The following PTGFR variants were observed in gnomAD, a reference collection of about 807,000 sequenced individuals.
PTGFR encodes the protein prostaglandin F2-alpha receptor.
A neutral mutation model predicts 26.2 loss-of-function variants in PTGFR; 15 were observed. The observed-to-expected ratio is 0.57, with a 90% CI of 0.38 to 0.88. The LOEUF (loss-of-function observed/expected upper bound fraction) is 0.88. Ranked by LOEUF, PTGFR falls within the 40% of genes least tolerant of loss-of-function variation. PTGFR has a pLI of 0.00. For missense variants in PTGFR, 369 were observed against 427.2 expected, an observed-to-expected ratio of 0.86 and a Z score of 1.20; for synonymous variants, 165 against 151.1, an observed-to-expected ratio of 1.09 and a Z score of -0.68.
Position 78,504,171 on chromosome 1 carries a change from A to G in PTGFR, c.798+10630A>G, listed in dbSNP as rs552209381. ...ATTCCCCAAGCTATTTGAAAAAAAT[A>G]TAATATTTTCTTTAGCTATAAAATT... is the stretch of plus-strand genomic sequence containing the variant. On this transcript the variant is annotated intron_variant, in intron 2 of 2. Transcript: ENST00000370757. 1.3e-3 allele frequency among the ~76,000 whole-genome samples: 204 copies of G among 152,278 alleles called. 2 individuals are homozygous for G. The highest frequency in any genetic ancestry group is 4.4e-3 in the African/African-American group (181 of 41,564).
In PTGFR at chr1:78,512,832, ATGATATCTGGTTG is replaced by A. The variant is rs558995716; in HGVS notation, c.798+19302_798+19314del. Among the ~76,000 whole-genome samples, 16 of 152,320 alleles carry A rather than the reference ATGATATCTGGTTG, an allele frequency of 1.1e-4. No individual in the cohort carries two copies. In the South Asian group the frequency reaches 3.3e-3, roughly 32 times the overall value. On this transcript the variant is annotated intron_variant, in intron 2 of 2. Transcript: ENST00000370757. ...CTCCTTGGTAAGTGAGTTCTGCCTCATGATATCTGGTTGTGATATCTGGCATGATATCTGGTTG... is the reference window on the plus strand; with the variant it reads ...CTCCTTGGTAAGTGAGTTCTGCCTCATGATATCTGGCATGATATCTGGTTG...
At chr1:78,530,502 T>C (rs1199051487) in intron 2 of PTGFR, among the ~76,000 whole-genome samples, 1 of 152,120 alleles carries the variant, frequency 6.6e-6, no homozygotes, top group Admixed American at 6.6e-5. Context: ...AAAAATGAGC[T>C]CTCCTGGTGC....
intron 2 of PTGFR, chr1:78,532,469 T>G (rs1424459994): frequency 8.2e-6 from 1 of 122,116 alleles, no homozygotes; most frequent in African/African-American, 4.2e-5. Context: ...TATATTTGTG[T>G]GTGTATATAT....
At position 78,536,621 on chromosome 1, in the gene PTGFR, TA is replaced by T; in HGVS notation, c.1019del (p.Asn340IlefsTer3). 6.2e-7 allele frequency: 1 copy of T among 1,613,240 alleles called. No homozygotes were observed. The highest frequency in any genetic ancestry group is 1.7e-4 in the Middle Eastern group (1 of 6,052). On this transcript the variant is annotated frameshift_variant, in exon 3 of 3. Coordinates refer to ENST00000370757, the MANE Select transcript of PTGFR (RefSeq NM_000959.4). LOFTEE classifies it high-confidence loss of function. ...TACATATTTGGGAGCTTAGTTCCAT[TA>T]AAAATTCCTTAAAGGTTGCTGCTAT... ...SLHIWELSSI[K>X]NSLKVAAISE...
At chr1:78,496,558 C>T (rs1027975110) in intron 2 of PTGFR, among the ~76,000 whole-genome samples, 2 of 151,974 alleles carry the variant, frequency 1.3e-5, no homozygotes, top group East Asian at 1.9e-4. Context: ...CAAACTGGAA[C>T]GAAGGTAGAG....
chr1:78,537,070 C>G lies in PTGFR; in HGVS notation c.*383C>G, dbSNP rs74908948. On this transcript the variant is annotated 3_prime_UTR_variant, in exon 3 of 3. Transcript: ENST00000370757. ...AAATGGTTATTTTGAGATCACCGCT[C>G]TGTAGCTAACCCTTATAAACTAGGC... is the stretch of plus-strand genomic sequence containing the variant. 1 of 175,710 alleles carries G rather than the reference C, an allele frequency of 5.7e-6. No individual in the cohort carries two copies. The highest frequency in any genetic ancestry group is 2.4e-5 in the African/African-American group (1 of 41,908). 10.9% of individuals were successfully genotyped at this position (175,710 alleles called of 1,614,324 possible). A position where few individuals can be genotyped will look rare whatever the true frequency, so the allele number is the denominator to read the frequency against.
rs1416471370 is a variant in PTGFR, at chr1:78,540,561, A to G, written c.*3874A>G. Reference sequence around the variant, plus strand: ...GAACTAAAAGAAATTTTAGATGACTAAAAGGACTATATAATAGAAAGAGGG... The same window carrying G: ...GAACTAAAAGAAATTTTAGATGACTGAAAGGACTATATAATAGAAAGAGGG... On this transcript the variant is annotated 3_prime_UTR_variant, in exon 3 of 3. Coordinates refer to ENST00000370757, the MANE Select transcript of PTGFR (RefSeq NM_000959.4). Among the ~76,000 whole-genome samples, 1 of 152,172 alleles carries G rather than the reference A, an allele frequency of 6.6e-6. No individual in the cohort carries two copies. The highest frequency in any genetic ancestry group is 1.9e-4 in the East Asian group (1 of 5,198).
chr1:78,519,262 G>T (rs781206552), intron 2 of PTGFR, among the ~76,000 whole-genome samples: 44 of 152,080 alleles, frequency 2.9e-4, no homozygotes, highest in Non-Finnish European at 4.9e-4. Context: ...ATTGTAGTGT[G>T]CAGAAATTTC....
chr1:78,491,557 C>T (rs114041098), intron 1 of PTGFR, among the ~76,000 whole-genome samples: 4,051 of 152,360 alleles, frequency 0.027, 87 homozygotes, highest in African/African-American at 0.056. Context: ...CACGTCCTCA[C>T]TCCCCGTGCC....
intron 2 of PTGFR, among the ~76,000 whole-genome samples, chr1:78,496,025 T>C (rs922071548): frequency 3.9e-5 from 6 of 152,212 alleles, no homozygotes; most frequent in Non-Finnish European, 8.8e-5. Context: ...TATTACTTTA[T>C]GGGCTGATAT....
chr1:78,527,189 C>T (rs1482472957), intron 2 of PTGFR, among the ~76,000 whole-genome samples: 2 of 152,072 alleles, frequency 1.3e-5, no homozygotes, highest in African/African-American at 4.8e-5. Flanking sequence ...TCAGCTCAAC[C>T]TAATGGCTGT....
At chr1:78,519,602 CA>C (rs1344733047) in intron 2 of PTGFR, among the ~76,000 whole-genome samples, 1 of 152,000 alleles carries the variant, frequency 6.6e-6, no homozygotes, top group Non-Finnish European at 1.5e-5. Flanking sequence ...ACAGGGGATA[CA>C]AACATGACTA....
intron 2 of PTGFR, among the ~76,000 whole-genome samples, chr1:78,535,204 CACAA>C (rs1243330278): frequency 6.6e-6 from 1 of 152,024 alleles, no homozygotes. Context: ...AAAGGAGTTA[CACAA>C]ACAAAAGCTC....
At chr1:78,497,470 T>C (rs1480509888) in intron 2 of PTGFR, among the ~76,000 whole-genome samples, 1 of 152,166 alleles carries the variant, frequency 6.6e-6, no homozygotes, top group African/African-American at 2.4e-5. Context: ...GTCTCTATTG[T>C]GAAGGAGAAA....
At chr1:78,533,098 A>AG (rs1650563066) in intron 2 of PTGFR, among the ~76,000 whole-genome samples, 6 of 152,166 alleles carry the variant, frequency 3.9e-5, no homozygotes, top group Admixed American at 3.9e-4. Flanking sequence ...AGAAAACTAG[A>AG]GTATAAGAGG....
Position 78,495,095 on chromosome 1 carries a change from A to G in PTGFR, c.798+1554A>G, listed in dbSNP as rs1056878702. Among the ~76,000 whole-genome samples, 11 of 152,194 alleles carry G rather than the reference A, an allele frequency of 7.2e-5. No homozygotes were observed. The South Asian group carries it at 8.3e-4, about 11-fold the overall frequency. On this transcript the variant is annotated intron_variant, in intron 2 of 2. Transcript: ENST00000370757. Reference sequence around the variant, plus strand: ...CTGAATTTGGCTTCTTGAATTGTTAAGTCATTCAAATATTTTTTGTGTTGT... The same window carrying G: ...CTGAATTTGGCTTCTTGAATTGTTAGGTCATTCAAATATTTTTTGTGTTGT...
chr1:78,507,767 T>A (rs1052712610), intron 2 of PTGFR, among the ~76,000 whole-genome samples: 1 of 152,218 alleles, frequency 6.6e-6, no homozygotes, highest in Non-Finnish European at 1.5e-5. Context: ...GGTATTTTGA[T>A]TGATTTCTAG....
At chr1:78,521,141 A>G (rs1557655713) in intron 2 of PTGFR, among the ~76,000 whole-genome samples, 1 of 152,088 alleles carries the variant, frequency 6.6e-6, no homozygotes, top group Non-Finnish European at 1.5e-5. Context: ...GCTCACTGCA[A>G]CCTTTTAAGT....
intron 2 of PTGFR, among the ~76,000 whole-genome samples, chr1:78,529,387 A>C (rs915670832): frequency 2.6e-5 from 4 of 152,170 alleles, no homozygotes; most frequent in African/African-American, 9.6e-5. Context: ...ATTTTTTATT[A>C]GGATGAAAAT....
Sources: gnomAD v4.1 joint callset for allele counts (sites outside exome capture counted in the v4.1 genomes callset) on GRCh38, gnomAD v4.1.1 for gene constraint, MANE v1.5 for transcripts, NCBI Gene and HGNC (gene_info 2026-07-23, HGNC 2026-07-21) for gene names.